The following DOC2B variants were observed in gnomAD, a reference collection of about 807,000 sequenced individuals.
DOC2B encodes double C2 domain beta.
A neutral mutation model predicts 28.9 loss-of-function variants in DOC2B; 21 were observed. The ratio of observed to expected loss-of-function variants is 0.73; its 90% confidence interval spans 0.52 to 1.05. The LOEUF is 1.05. Ranked by LOEUF, DOC2B falls within the 50% of genes least tolerant of loss-of-function variation. The pLI, the probability that DOC2B is intolerant of heterozygous loss-of-function variation, is 0.00. For missense variants in DOC2B, 384 were observed against 421.1 expected (o/e 0.91, Z 0.77); for synonymous variants, 194 against 178.1 (o/e 1.09, Z -0.71).
intron 5 of DOC2B, among the ~76,000 whole-genome samples, chr17:158,659 G>C (rs949504993): frequency 6.6e-6 from 1 of 152,216 alleles, no homozygotes; most frequent in African/African-American, 2.4e-5. Flanking sequence ...GCGAGATCTC[G>C]CTATCTGCCG....
At chr17:164,993 C>T (rs1375466260) in intron 2 of DOC2B, among the ~76,000 whole-genome samples, 1 of 152,166 alleles carries the variant, frequency 6.6e-6, no homozygotes, top group Non-Finnish European at 1.5e-5. Context: ...CACACCAGGC[C>T]CATCTCCAAG....
At chr17:157,097 G>A (rs1106175) in intron 5 of DOC2B, among the ~76,000 whole-genome samples, 109,511 of 152,124 alleles carry the variant, frequency 0.72, 40,180 homozygotes, top group East Asian at 0.85. Context: ...TAACATTAGC[G>A]CTAAGCGGCC....
Position 142,960 on chromosome 17 carries a change from A to T in DOC2B, c.*4481T>A, listed in dbSNP as rs1451316024. 4 of 152,116 alleles carry T rather than the reference A, an allele frequency of 2.6e-5. No individual in the cohort carries two copies. Among genetic ancestry groups the T allele is most frequent in the African/African-American group, 4.8e-5 (2 of 41,400 alleles). The allele number at this position is 152,116 out of a possible 1,614,324, so 9.4% of individuals were successfully genotyped here. ...CACTAATCTGTGGTTAGGAAGGTTT[A>T]TTTTTTTCCCTCCAAACCTAAGCAG... On this transcript the variant is annotated 3_prime_UTR_variant, in exon 9 of 9. Transcript: ENST00000613549.
intron 1 of DOC2B, among the ~76,000 whole-genome samples, chr17:179,646 C>T (rs951620421): frequency 6.7e-6 from 1 of 148,200 alleles, no homozygotes; most frequent in Non-Finnish European, 1.5e-5. Context: ...GGGTGAGCTT[C>T]GCACAGGGTG....
At chr17:160,632 G>A (rs1360763647) in intron 5 of DOC2B, among the ~76,000 whole-genome samples, 1 of 152,122 alleles carries the variant, frequency 6.6e-6, no homozygotes, top group African/African-American at 2.4e-5. Flanking sequence ...CTGGGAGGCT[G>A]AGGCCCCAGG....
chr17:158,615 C>A (rs1248068567), intron 5 of DOC2B, among the ~76,000 whole-genome samples: 2 of 152,244 alleles, frequency 1.3e-5, no homozygotes. Context: ...ACACAGTGCT[C>A]AGGCAGCCAT....
intron 5 of DOC2B, among the ~76,000 whole-genome samples, chr17:160,181 C>T (rs760228041): frequency 8.5e-5 from 13 of 152,210 alleles, no homozygotes; most frequent in Non-Finnish European, 1.2e-4. Flanking sequence ...GACGGGGTTT[C>T]GCCATGTTGG....
At chr17:154,241 G>A (rs996423197) in intron 6 of DOC2B, among the ~76,000 whole-genome samples, 2 of 146,452 alleles carry the variant, frequency 1.4e-5, no homozygotes, top group African/African-American at 5.1e-5. Flanking sequence ...CTCCTTCTTA[G>A]GGCTGATATT....
chr17:147,721 C>G (rs1443679431), intron 8 of DOC2B, 144 bp from the exon 9 acceptor site: 1 of 397,980 alleles, frequency 2.5e-6, no homozygotes, highest in Non-Finnish European at 4.4e-6. Flanking sequence ...GACCTGACCT[C>G]CATGCCACAC....
intron 2 of DOC2B, among the ~76,000 whole-genome samples, chr17:164,830 T>A (rs2040244117): frequency 6.6e-6 from 1 of 152,182 alleles, no homozygotes; most frequent in African/African-American, 2.4e-5. Flanking sequence ...CTCAGCAGGC[T>A]CTTGTCTCTG....
Position 145,256 on chromosome 17 carries a change from T to A in DOC2B, c.*2185A>T, listed in dbSNP as rs958901898. On this transcript the variant is annotated 3_prime_UTR_variant, in exon 9 of 9. Transcript: ENST00000613549. Reference sequence around the variant, plus strand: ...CTGAGCTTACTGAGCCTTCACCTGGTGTCTCTGCTGAGTCTCCGACAGACC... The same window carrying A: ...CTGAGCTTACTGAGCCTTCACCTGGAGTCTCTGCTGAGTCTCCGACAGACC... The A allele has an allele frequency of 1.3e-5, 2 of 152,146 alleles. No individual in the cohort carries two copies. Among genetic ancestry groups the A allele is most frequent in the African/African-American group, 4.8e-5 (2 of 41,414 alleles). The allele number at this position is 152,146 out of a possible 1,614,324, so 9.4% of individuals were successfully genotyped here. A position where few individuals can be genotyped will look rare whatever the true frequency, so the allele number is the denominator to read the frequency against.
chr17:176,391 T>TTG (rs2040370192), intron 1 of DOC2B, among the ~76,000 whole-genome samples: 1 of 75,948 alleles, frequency 1.3e-5, no homozygotes, highest in African/African-American at 3.9e-5. Flanking sequence ...GTGGTGTTGG[T>TTG]GCGGGGGGTG....
In DOC2B at chr17:151,387, C is replaced by T. The variant is rs375853558; in HGVS notation, c.924-2195G>A. ...TTTGGATTTTTTCATATTTTGTAAT[C>T]TTTGCAGTATATTTACCAGTTCAGC... On this transcript the variant is annotated intron_variant, in intron 6 of 8. Coordinates refer to ENST00000613549, the MANE Select transcript of DOC2B (RefSeq NM_003585.5). Among the ~76,000 whole-genome samples, 10 of 152,230 alleles carry T rather than the reference C, an allele frequency of 6.6e-5. No individual in the cohort carries two copies. In the East Asian group the frequency reaches 1.7e-3, roughly 26 times the overall value.
At position 147,205 on chromosome 17, in the gene DOC2B, G is replaced by A. The variant is rs1006869785; in HGVS notation, c.*236C>T. The A allele has an allele frequency of 1.3e-4, 50 of 384,040 alleles. No individual in the cohort carries two copies. Among genetic ancestry groups the A allele is most frequent in the African/African-American group, 8.9e-4 (43 of 48,400 alleles). The allele number at this position is 384,040 out of a possible 1,614,324, so 23.8% of individuals were successfully genotyped here. On this transcript the variant is annotated 3_prime_UTR_variant, in exon 9 of 9. Transcript: ENST00000613549. ...GGTGCTGAGGTCTCTTTCCACCACC[G>A]GCCTCTTGGGCCCCAGAGAGCTGAG... is the stretch of plus-strand genomic sequence containing the variant.
chr17:144,061 T>C lies in DOC2B; in HGVS notation c.*3380A>G, dbSNP rs2040002257. ...GGCTGGAAGACGGGCCCGTCGGGGATTGGCGCAGGCGGCGGGCGGGGCGGC... is the reference window on the plus strand; with the variant it reads ...GGCTGGAAGACGGGCCCGTCGGGGACTGGCGCAGGCGGCGGGCGGGGCGGC... On this transcript the variant is annotated 3_prime_UTR_variant, in exon 9 of 9. Coordinates refer to ENST00000613549, the MANE Select transcript of DOC2B (RefSeq NM_003585.5). 1.0e-5 allele frequency: 1 copy of C among 99,166 alleles called. No homozygotes were observed. Among genetic ancestry groups the C allele is most frequent in the African/African-American group, 4.3e-5 (1 of 23,304 alleles). 6.1% of individuals were successfully genotyped at this position (99,166 alleles called of 1,614,324 possible). A position where few individuals can be genotyped will look rare whatever the true frequency, so the allele number is the denominator to read the frequency against.
chr17:155,885 G>A (rs1055024294), intron 6 of DOC2B: 23 of 320,210 alleles, frequency 7.2e-5, no homozygotes, highest in South Asian at 5.6e-4. Context: ...GGCTACCCCC[G>A]GCACTGGCCC....
Position 145,216 on chromosome 17 carries a change from G to A in DOC2B, c.*2225C>T, listed in dbSNP as rs1029543170. ...TGGCAGGACAGTGACAAGACCCCAG[G>A]TCTCCATCATGCACCTGAGCTTACT... On this transcript the variant is annotated 3_prime_UTR_variant, in exon 9 of 9. Transcript: ENST00000613549. The A allele has an allele frequency of 1.3e-5, 2 of 152,206 alleles. No individual in the cohort carries two copies. Among genetic ancestry groups the A allele is most frequent in the Non-Finnish European group, 2.9e-5 (2 of 68,110 alleles). 9.4% of individuals were successfully genotyped at this position (152,206 alleles called of 1,614,324 possible).
At chr17:162,659 A>G (rs2040218815) in intron 3 of DOC2B, among the ~76,000 whole-genome samples, 1 of 152,264 alleles carries the variant, frequency 6.6e-6, no homozygotes, top group Admixed American at 6.5e-5. Context: ...CCTGCAGAGC[A>G]GTCCGAGAGT....
In DOC2B at chr17:176,038, C is replaced by T. The variant is rs138620793; in HGVS notation, c.374-3422G>A. The stretch of plus-strand genomic sequence containing the variant: ...TTGAGAGGCTGGTGAAGCTCTCTTA[C>T]GGAGCACATGGCCCAAACTCTTCAT... On this transcript the variant is annotated intron_variant, in intron 1 of 8. Transcript: ENST00000613549. Among the ~76,000 whole-genome samples, 218 of 152,250 alleles carry T rather than the reference C, an allele frequency of 1.4e-3. 1 individual carries two copies. Among genetic ancestry groups the T allele is most frequent in the African/African-American group, 5.1e-3 (211 of 41,554 alleles).
Sources: gnomAD v4.1 joint callset for allele counts (sites outside exome capture counted in the v4.1 genomes callset) on GRCh38, gnomAD v4.1.1 for gene constraint, MANE v1.5 for transcripts, NCBI Gene and HGNC (gene_info 2026-07-23, HGNC 2026-07-21) for gene names.